Variants in WNK3 observed in about 807,000 individuals in gnomAD.
The protein encoded by WNK3 is serine/threonine-protein kinase WNK3.
In WNK3, 18 loss-of-function variants were observed where a neutral mutation model predicts 116.7. That is an observed-to-expected ratio of 0.15 (90% CI 0.11 to 0.23). The LOEUF (loss-of-function observed/expected upper bound fraction) is 0.23, where lower values mean the gene tolerates loss of function less well. WNK3 is among the 10% of genes least tolerant of loss of function. WNK3 has a pLI of 1.00. For synonymous variants in WNK3, 404 were observed against 469.4 expected, an observed-to-expected ratio of 0.86 and a Z score of 1.80; for missense variants, 993 against 1,323.8, an observed-to-expected ratio of 0.75 and a Z score of 3.88.
chrX:54,268,079 TGCACACACAC>T (rs1394604246), intron 10 of WNK3, among the ~76,000 whole-genome samples: 1 of 63,726 alleles, frequency 1.6e-5, no homozygotes, highest in African/African-American at 6.1e-5. Flanking sequence ...TCTGAATGCG[TGCACACACAC>T]ACACACACAC....
chrX:54,282,333 C>T (rs782271170), intron 10 of WNK3, among the ~76,000 whole-genome samples: 5 of 111,258 alleles, frequency 4.5e-5, no homozygotes, highest in African/African-American at 1.6e-4. Flanking sequence ...GTGTGAGCCA[C>T]TGCACCTAGC....
At chrX:54,275,053 G>A (rs1465645940) in intron 10 of WNK3, among the ~76,000 whole-genome samples, 1 of 103,904 alleles carries the variant, frequency 9.6e-6, no homozygotes, top group Admixed American at 1.1e-4. Context: ...AGTGGCTCAC[G>A]TCTGTAATCC....
chrX:54,302,699 TTCTCTCTC>T (rs782673409), intron 5 of WNK3, among the ~76,000 whole-genome samples: 14 of 23,333 alleles, frequency 6.0e-4, no homozygotes, highest in African/African-American at 1.6e-3. Context: ...AACATTCCAA[TTCTCTCTC>T]TCTCTCTCTC....
At chrX:54,316,261 G>A (rs1037527930) in intron 2 of WNK3, among the ~76,000 whole-genome samples, 5 of 110,607 alleles carry the variant, frequency 4.5e-5, no homozygotes, top group African/African-American at 1.6e-4. Flanking sequence ...AACAGAGGCC[G>A]GGTGCAGTGG....
rs7053454 is a variant in WNK3, at chrX:54,312,367, G to T, written c.538-1076C>A. ...AATAACAAAATGTTAGAAAAATTTT[G>T]TTATCAAAGTTGTACATGACATTAT... On this transcript the variant is annotated intron_variant, in intron 2 of 23. Coordinates refer to ENST00000354646, the Ensembl canonical transcript of WNK3. Among the ~76,000 whole-genome samples, 380 of 111,176 alleles carry T rather than the reference G, an allele frequency of 3.4e-3. 3 individuals carry two copies. Among genetic ancestry groups the T allele is most frequent in the African/African-American group, 0.012 (360 of 30,735 alleles).
intron 13 of WNK3, 126 bp from the exon 14 acceptor site, chrX:54,251,813 C>G: frequency 1.6e-6 from 1 of 623,369 alleles, no homozygotes; most frequent in Non-Finnish European, 2.3e-6. Flanking sequence ...TGCCTGTAAT[C>G]CCAGCACTTT....
At chrX:54,344,871 GA>G (rs782303832) in intron 1 of WNK3, among the ~76,000 whole-genome samples, 71 of 106,099 alleles carry the variant, frequency 6.7e-4, no homozygotes, top group Non-Finnish European at 1.3e-3. Flanking sequence ...GTGAACCCGG[GA>G]GGTGGAGCTT....
At chrX:54,217,349 C>T (rs886909677) in intron 22 of WNK3, among the ~76,000 whole-genome samples, 3 of 104,561 alleles carry the variant, frequency 2.9e-5, no homozygotes, top group Admixed American at 1.0e-4. Context: ...GCCATGTGGG[C>T]CAGGCGCGGT....
chrX:54,354,524 C>T (rs1426247342), intron 1 of WNK3, among the ~76,000 whole-genome samples: 3 of 109,975 alleles, frequency 2.7e-5, no homozygotes, highest in Admixed American at 9.9e-5. Flanking sequence ...TTAACTGTGG[C>T]CTGTCAGGGA....
At chrX:54,356,850 G>C (rs980161001) in intron 1 of WNK3, among the ~76,000 whole-genome samples, 3 of 110,208 alleles carry the variant, frequency 2.7e-5, no homozygotes, top group Admixed American at 9.8e-5. Flanking sequence ...CCAAGATACG[G>C]AGATACTCAC....
intron 10 of WNK3, among the ~76,000 whole-genome samples, chrX:54,263,896 A>AT (rs1249487417): frequency 0.023 from 2,461 of 106,301 alleles, 75 homozygotes; most frequent in African/African-American, 0.081. Flanking sequence ...GATTCTAAAC[A>AT]TTTTTTTTTT....
exon 17 of WNK3, chrX:54,248,785 T>C (rs782656518): frequency 1.1e-5 from 13 of 1,210,335 alleles, no homozygotes; most frequent in Non-Finnish European, 1.1e-5. Flanking sequence ...TGCAGCCACA[T>C]TGGACAGAAG....
intron 20 of WNK3, 108 bp downstream of exon 20, chrX:54,236,830 T>C (rs2067966410): frequency 7.5e-6 from 7 of 930,069 alleles, no homozygotes; most frequent in Non-Finnish European, 1.0e-5. Context: ...TTCTTTGTAG[T>C]TTTCAATCAT....
intron 22 of WNK3, among the ~76,000 whole-genome samples, chrX:54,220,400 A>C (rs2067748968): frequency 9.1e-6 from 1 of 109,897 alleles, no homozygotes; most frequent in Non-Finnish European, 1.9e-5. Context: ...TTAAAAAAAA[A>C]ATTAGCTGGG....
At chrX:54,335,304 G>A (rs1295109655) in intron 1 of WNK3, among the ~76,000 whole-genome samples, 1 of 111,498 alleles carries the variant, frequency 9.0e-6, no homozygotes, top group Admixed American at 9.7e-5. Flanking sequence ...GATAAAAGAC[G>A]TTCCCTATAT....
chrX:54,314,626 G>A (rs1002440238), intron 2 of WNK3, among the ~76,000 whole-genome samples: 2 of 110,119 alleles, frequency 1.8e-5, no homozygotes, highest in Non-Finnish European at 3.8e-5. Context: ...AAAATTAGCC[G>A]GGCATAGTGG....
intron 1 of WNK3, among the ~76,000 whole-genome samples, chrX:54,334,736 T>C (rs1050403043): frequency 2.7e-5 from 3 of 112,051 alleles, no homozygotes; most frequent in South Asian, 3.7e-4. Flanking sequence ...ACAGAAACTA[T>C]TGTCAAATAT....
chrX:54,272,296 A>C (rs1199185134), intron 10 of WNK3, among the ~76,000 whole-genome samples: 1 of 111,427 alleles, frequency 9.0e-6, no homozygotes, highest in Non-Finnish European at 1.9e-5. Flanking sequence ...TCAACTCCCT[A>C]ACTATAAGTT....
At position 54,236,284 on chromosome X, in the gene WNK3, A is replaced by AT. The variant is rs781861921; in HGVS notation, c.4628+653dup. On this transcript the variant is annotated intron_variant, in intron 20 of 23. Transcript: ENST00000354646. ...GCCACCACACCTGGCTAAGTTTTGT[A>AT]TTTTTTTTTTTTTTTTTAAATACAG... 6.2e-3 allele frequency among the ~76,000 whole-genome samples: 541 copies of AT among 87,789 alleles called. 5 individuals carry two copies. Among genetic ancestry groups the AT allele is most frequent in the Middle Eastern group, 0.023 (4 of 171 alleles). The allele number at this position is 87,789 out of a possible 115,157, so 76.2% of individuals were successfully genotyped here.
Sources: gnomAD v4.1 joint callset for allele counts (sites outside exome capture counted in the v4.1 genomes callset) on GRCh38, gnomAD v4.1.1 for gene constraint, MANE v1.5 for transcripts, NCBI Gene and HGNC (gene_info 2026-07-23, HGNC 2026-07-21) for gene names.